STAG1: variants seen among roughly 807,000 people sequenced by gnomAD.
STAG1 encodes STAG1 cohesin complex component.
In STAG1, 26 loss-of-function variants were observed where a neutral mutation model predicts 170.9. The observed-to-expected ratio is 0.15, with a 90% CI of 0.11 to 0.21. STAG1 has a LOEUF of 0.21. Among genes scored for constraint, STAG1 ranks in the 10% least tolerant of loss-of-function variants. The pLI is 1.00. For missense variants in STAG1, 964 were observed against 1,509.5 expected (o/e 0.64, Z 5.99); for synonymous variants, 514 against 497.7 (o/e 1.03, Z -0.44).
chr3:136,606,627 T>C (rs1025268829), intron 3 of STAG1, among the ~76,000 whole-genome samples: 3 of 152,164 alleles, frequency 2.0e-5, no homozygotes, highest in African/African-American at 4.8e-5. Flanking sequence ...TTGATGACCA[T>C]AGGAGTTTTG....
intron 2 of STAG1, among the ~76,000 whole-genome samples, chr3:136,628,778 T>A (rs1940211404): frequency 6.6e-6 from 1 of 152,250 alleles, no homozygotes; most frequent in South Asian, 2.1e-4. Flanking sequence ...CTACATGTTA[T>A]ATCTACCCAG....
intron 5 of STAG1, among the ~76,000 whole-genome samples, chr3:136,562,882 C>T (rs1480666913): frequency 2.0e-5 from 3 of 152,166 alleles, no homozygotes; most frequent in Admixed American, 2.0e-4. Context: ...GTCACGACGC[C>T]CAGCATTTCT....
Position 136,542,214 on chromosome 3 carries a change from T to C in STAG1, c.395-19A>G. Reference sequence around the variant, plus strand: ...ACAGTACCTGTGGAACAACAGATTTTACATTAATCTTTCAATTAATCTTTC... The same window carrying C: ...ACAGTACCTGTGGAACAACAGATTTCACATTAATCTTTCAATTAATCTTTC... On this transcript the variant is annotated intron_variant, in intron 5 of 33. Transcript: ENST00000383202. 1 of 1,570,644 alleles carries C rather than the reference T, an allele frequency of 6.4e-7. No individual in the cohort carries two copies. The highest frequency in any genetic ancestry group is 8.7e-7 in the Non-Finnish European group (1 of 1,148,724).
At chr3:136,561,707 C>T (rs760363560) in intron 5 of STAG1, among the ~76,000 whole-genome samples, 2 of 152,116 alleles carry the variant, frequency 1.3e-5, no homozygotes, top group African/African-American at 2.4e-5. Context: ...TGTTGGCTTG[C>T]ATATCCAATA....
At chr3:136,671,620 G>A (rs995192704) in intron 1 of STAG1, among the ~76,000 whole-genome samples, 5 of 152,204 alleles carry the variant, frequency 3.3e-5, no homozygotes, top group African/African-American at 1.2e-4. Context: ...ACAGGGACCT[G>A]GTGCAGTGGC....
At chr3:136,381,872 C>T (rs1937988304) in intron 22 of STAG1, among the ~76,000 whole-genome samples, 1 of 152,154 alleles carries the variant, frequency 6.6e-6, no homozygotes, top group African/African-American at 2.4e-5. Context: ...CTATGTTACT[C>T]TGATTCTGCT....
intron 5 of STAG1, among the ~76,000 whole-genome samples, chr3:136,556,025 C>T (rs1936600012): frequency 6.6e-6 from 1 of 151,982 alleles, no homozygotes; most frequent in South Asian, 2.1e-4. Flanking sequence ...TATATCATGA[C>T]CAAGTTGAAT....
chr3:136,736,923 C>A lies in STAG1; in HGVS notation c.-84+15272G>T. On this transcript the variant is annotated intron_variant, in intron 1 of 33. Coordinates refer to ENST00000383202, the MANE Select transcript of STAG1 (RefSeq NM_005862.3). Reference sequence around the variant, plus strand: ...TCTTCTTTTGCTCCTGATCTAGTAGCAACTTGTAAGCTTTGTCCACAGCCT... The same window carrying A: ...TCTTCTTTTGCTCCTGATCTAGTAGAAACTTGTAAGCTTTGTCCACAGCCT... 2.5e-6 allele frequency: 4 copies of A among 1,590,274 alleles called. No individual in the cohort carries two copies. The East Asian group carries it at 6.7e-5, about 27-fold the overall frequency.
chr3:136,459,021 C>T (rs2089198473), intron 13 of STAG1, among the ~76,000 whole-genome samples: 1 of 151,960 alleles, frequency 6.6e-6, no homozygotes, highest in Non-Finnish European at 1.5e-5. Context: ...AGATGGAGAC[C>T]ATCCTGGCCA....
intron 4 of STAG1, among the ~76,000 whole-genome samples, chr3:136,579,426 A>G (rs1224680348): frequency 2.6e-5 from 4 of 152,104 alleles, no homozygotes; most frequent in African/African-American, 4.8e-5. Flanking sequence ...TTAGGCTGCA[A>G]TCAAGGCACT....
In STAG1 at chr3:136,457,219, C is replaced by T. The variant is rs190087385; in HGVS notation, c.1314-5072G>A. ...AAATATAAGCCCAGGCATAAAACCC[C>T]TCGTAGCTTGGATGGAATCCAAGGC... On this transcript the variant is annotated intron_variant, in intron 13 of 33. Transcript: ENST00000383202. Among the ~76,000 whole-genome samples the T allele has an allele frequency of 7.0e-3, 1,070 of 152,248 alleles. 15 individuals carry two copies. Among genetic ancestry groups the T allele is most frequent in the African/African-American group, 0.024 (989 of 41,552 alleles).
At chr3:136,586,908 T>C in intron 4 of STAG1, 1 of 456,568 alleles carries the variant, frequency 2.2e-6, no homozygotes, top group Non-Finnish European at 4.4e-6. Flanking sequence ...ACCAAGTGAA[T>C]GCAAACAACA....
chr3:136,344,555 CTG>C (rs1936135590), intron 29 of STAG1, among the ~76,000 whole-genome samples: 1 of 152,160 alleles, frequency 6.6e-6, no homozygotes, highest in South Asian at 2.1e-4. Context: ...TTTCATGCCT[CTG>C]TACTTCAGGG....
intron 3 of STAG1, among the ~76,000 whole-genome samples, chr3:136,611,047 C>T (rs965644216): frequency 2.6e-5 from 4 of 152,114 alleles, no homozygotes; most frequent in African/African-American, 9.7e-5. Context: ...AGAATATTTG[C>T]ACATACATAA....
intron 30 of STAG1, among the ~76,000 whole-genome samples, chr3:136,343,160 A>G (rs935984191): frequency 6.6e-6 from 1 of 152,236 alleles, no homozygotes; most frequent in Non-Finnish European, 1.5e-5. Context: ...CTATACACAG[A>G]AACACAAGTG....
intron 10 of STAG1, among the ~76,000 whole-genome samples, chr3:136,475,348 T>C (rs928431850): frequency 2.0e-5 from 3 of 152,098 alleles, no homozygotes; most frequent in South Asian, 2.1e-4. Flanking sequence ...GGTTTTGCCA[T>C]GCTGGCCAGG....
chr3:136,450,732 T>C (rs543470461), intron 14 of STAG1, among the ~76,000 whole-genome samples: 94 of 152,230 alleles, frequency 6.2e-4, no homozygotes, highest in African/African-American at 2.0e-3. Flanking sequence ...TGCAACTCTA[T>C]TTTGTTTGCT....
In STAG1 at chr3:136,602,563, T is replaced by C. The variant is rs1938723908; in HGVS notation, c.297+1746A>G. ...TGTTAACAATTCTTCTATTAAAGTATAATGAGGCCGGGCATGGTGACTCAT... is the reference window on the plus strand; with the variant it reads ...TGTTAACAATTCTTCTATTAAAGTACAATGAGGCCGGGCATGGTGACTCAT... On this transcript the variant is annotated intron_variant, in intron 4 of 33. Transcript: ENST00000383202. 2.0e-5 allele frequency among the ~76,000 whole-genome samples: 3 copies of C among 151,264 alleles called. No individual in the cohort carries two copies. The South Asian group carries it at 6.3e-4, about 32-fold the overall frequency.
chr3:136,377,662 G>A lies in STAG1; in HGVS notation c.2368C>T (p.Gln790Ter). 1 of 1,611,942 alleles carries A rather than the reference G, an allele frequency of 6.2e-7. No homozygotes were observed. The highest frequency in any genetic ancestry group is 2.2e-5 in the East Asian group (1 of 44,830). The change falls in exon 23 of 34, where the codon CAG becomes TAG. Residue 790 changes from glutamine to a stop codon, truncating the protein, a stop_gained and splice_region_variant. Transcript: ENST00000383202. LOFTEE classifies it high-confidence loss of function. ...AGCTCTTACTGATAATTTCTTACCT[G>A]TTCTTTCACTGGAGTATTAACATTA... Reference protein sequence around the residue: ...LSNVNTPVKEQAFMLLCDLLM... With the variant: ...LSNVNTPVKE
Sources: gnomAD v4.1 joint callset for allele counts (sites outside exome capture counted in the v4.1 genomes callset) on GRCh38, gnomAD v4.1.1 for gene constraint, MANE v1.5 for transcripts, NCBI Gene and HGNC (gene_info 2026-07-23, HGNC 2026-07-21) for gene names.